The following PALM2AKAP2 variants were observed in gnomAD, a reference collection of about 807,000 sequenced individuals.
PALM2AKAP2 encodes PALM2-AKAP2 fusion protein.
A neutral mutation model predicts 71.5 loss-of-function variants in PALM2AKAP2; 37 were observed. That is an observed-to-expected ratio of 0.52 (90% confidence interval 0.40 to 0.68). The LOEUF is 0.68. Among genes scored for constraint, PALM2AKAP2 ranks in the 30% least tolerant of loss-of-function variants. The pLI is 0.00. For synonymous variants in PALM2AKAP2, 468 were observed against 478.8 expected, an observed-to-expected ratio of 0.98 and a Z score of 0.29; for missense variants, 1,224 against 1,191.8, an observed-to-expected ratio of 1.03 and a Z score of -0.40.
exon 4 of PALM2AKAP2, chr9:110,168,938 C>G (rs1836797674): frequency 6.5e-6 from 1 of 153,792 alleles, no homozygotes; most frequent in Non-Finnish European, 1.5e-5. Context: ...AGTTTCCCAC[C>G]TGTCACTTGC....
At chr9:109,903,837 A>G (rs866864868) in intron 3 of PALM2AKAP2, among the ~76,000 whole-genome samples, 4 of 151,852 alleles carry the variant, frequency 2.6e-5, no homozygotes, top group African/African-American at 7.3e-5. Flanking sequence ...TGCATACACA[A>G]TCTTAACTTT....
chr9:110,118,454 G>T (rs1256279474), intron 1 of PALM2AKAP2, among the ~76,000 whole-genome samples: 1 of 151,954 alleles, frequency 6.6e-6, no homozygotes, highest in African/African-American at 2.4e-5. Flanking sequence ...CGCAACGTTG[G>T]CCAGGCTGGT....
At position 109,832,853 on chromosome 9, in the gene PALM2AKAP2, C is replaced by T. The variant is rs140133948; in HGVS notation, c.46-34638C>T. Among the ~76,000 whole-genome samples the T allele has an allele frequency of 7.9e-4, 120 of 152,268 alleles. 3 individuals carry two copies. The East Asian group carries it at 0.019, about 24-fold the overall frequency. On this transcript the variant is annotated intron_variant, in intron 1 of 9. Transcript: ENST00000302798. ...TGAGCCCCACCCTCAGAGAGGCCAG[C>T]GGGGCAGTGGAATATGCACTGAACA...
At chr9:109,828,203 G>T (rs183808710) in intron 1 of PALM2AKAP2, among the ~76,000 whole-genome samples, 12 of 152,094 alleles carry the variant, frequency 7.9e-5, no homozygotes, top group Non-Finnish European at 1.8e-4. Context: ...CTTCTTTCAG[G>T]CATCTAGGTT....
chr9:109,960,873 C>G (rs1451043417), intron 6 of PALM2AKAP2, among the ~76,000 whole-genome samples: 2 of 152,152 alleles, frequency 1.3e-5, no homozygotes, highest in Non-Finnish European at 2.9e-5. Flanking sequence ...TCTTCCTATG[C>G]CTTGCAGTGT....
chr9:109,763,442 T>G (rs919887903), intron 1 of PALM2AKAP2, among the ~76,000 whole-genome samples: 2 of 152,156 alleles, frequency 1.3e-5, no homozygotes, highest in Non-Finnish European at 2.9e-5. Context: ...CTCAGTTTCT[T>G]CATCTGAAAG....
At chr9:110,007,781 G>A (rs1263896123) in intron 6 of PALM2AKAP2, among the ~76,000 whole-genome samples, 1 of 152,190 alleles carries the variant, frequency 6.6e-6, no homozygotes, top group Non-Finnish European at 1.5e-5. Flanking sequence ...TTTAACATGT[G>A]CATGGGAGCC....
chr9:109,702,911 C>T (rs10116996), intron 1 of PALM2AKAP2, among the ~76,000 whole-genome samples: 46,062 of 151,454 alleles, frequency 0.3, 7,566 homozygotes, highest in African/African-American at 0.43. Flanking sequence ...CTCCGCTTCC[C>T]AGGTTCAAGC....
At chr9:110,159,117 G>A (rs149333998) in intron 3 of PALM2AKAP2, among the ~76,000 whole-genome samples, 1 of 152,278 alleles carries the variant, frequency 6.6e-6, no homozygotes, top group Non-Finnish European at 1.5e-5. Flanking sequence ...ATACCAGAAG[G>A]ATAGTAATAG....
intron 1 of PALM2AKAP2, among the ~76,000 whole-genome samples, chr9:109,696,404 T>C (rs1827970983): frequency 6.6e-6 from 1 of 152,230 alleles, no homozygotes; most frequent in Non-Finnish European, 1.5e-5. Context: ...GATGCCATCT[T>C]CTGTCTATCA....
intron 1 of PALM2AKAP2, among the ~76,000 whole-genome samples, chr9:110,119,526 AT>A (rs1835440455): frequency 6.6e-6 from 1 of 152,160 alleles, no homozygotes; most frequent in African/African-American, 2.4e-5. Context: ...GGTCAAAAGC[AT>A]TGTGTATTTT....
intron 1 of PALM2AKAP2, among the ~76,000 whole-genome samples, chr9:109,736,664 T>C (rs1299224319): frequency 6.6e-6 from 1 of 152,216 alleles, no homozygotes; most frequent in Non-Finnish European, 1.5e-5. Flanking sequence ...ATCTATCGCG[T>C]AGTGGTGACA....
At chr9:110,057,963 G>T (rs1833881458) in intron 1 of PALM2AKAP2, among the ~76,000 whole-genome samples, 1 of 152,178 alleles carries the variant, frequency 6.6e-6, no homozygotes, top group African/African-American at 2.4e-5. Context: ...CGAAACATTG[G>T]TCTATCTCAG....
chr9:109,851,935 G>A (rs999777410), intron 1 of PALM2AKAP2, among the ~76,000 whole-genome samples: 2 of 152,016 alleles, frequency 1.3e-5, no homozygotes, highest in African/African-American at 2.4e-5. Flanking sequence ...GCTGCTATAC[G>A]TGATGGCAAG....
chr9:110,137,443 A>G, exon 2 of PALM2AKAP2: 2 of 1,614,102 alleles, frequency 1.2e-6, no homozygotes. Context: ...CCCCATCGGC[A>G]GCAGGAAGCC....
intron 1 of PALM2AKAP2, among the ~76,000 whole-genome samples, chr9:109,712,136 C>G (rs898356757): frequency 1.3e-5 from 2 of 152,062 alleles, no homozygotes; most frequent in Non-Finnish European, 2.9e-5. Flanking sequence ...CCCAATAAAA[C>G]AGGGGTAATA....
intron 3 of PALM2AKAP2, among the ~76,000 whole-genome samples, chr9:109,890,136 C>T (rs1320754494): frequency 6.6e-6 from 1 of 152,218 alleles, no homozygotes; most frequent in Non-Finnish European, 1.5e-5. Flanking sequence ...TACTCTTCCA[C>T]AGTTTTCATG....
chr9:109,867,910 G>A (rs1452918520), intron 2 of PALM2AKAP2, among the ~76,000 whole-genome samples: 1 of 152,144 alleles, frequency 6.6e-6, no homozygotes, highest in African/African-American at 2.4e-5. Flanking sequence ...CCATGCATAG[G>A]TGCTGGGTGT....
rs531861557 is a variant in PALM2AKAP2 at position 109,824,072 on chromosome 9, A to G, written c.46-43419A>G. Among the ~76,000 whole-genome samples the G allele has an allele frequency of 3.9e-5, 6 of 152,076 alleles. No homozygotes were observed. In the East Asian group the frequency reaches 9.7e-4, roughly 25 times the overall value. On this transcript the variant is annotated intron_variant, in intron 1 of 9. Coordinates refer to the PALM2AKAP2 transcript ENST00000302798. ...GCCTGGCTGATTTTTGTATTTTTGT[A>G]GAGACAGGGTCTCACTGTGTTGCCC...
Sources: allele counts gnomAD v4.1 joint callset (sites outside exome capture counted in the v4.1 genomes callset), GRCh38; gene constraint gnomAD v4.1.1; transcripts MANE v1.5; gene names NCBI Gene and HGNC (gene_info 2026-07-23, HGNC 2026-07-21).